The following SLC43A1 variants were observed in gnomAD, a reference collection of about 807,000 sequenced individuals.
SLC43A1 encodes large neutral amino acids transporter small subunit 3.
Under a neutral mutation model 59.5 loss-of-function variants are expected in SLC43A1, and 31 were observed. The observed-to-expected ratio is 0.52, with a 90% CI of 0.39 to 0.70. The LOEUF is 0.70. Among genes scored for constraint, SLC43A1 ranks in the 30% least tolerant of loss-of-function variants. The probability of loss-of-function intolerance (pLI) is 0.00; values close to 1 mark genes in which losing one functional copy is unlikely to be tolerated. For synonymous variants in SLC43A1, 259 were observed against 290.9 expected, an observed-to-expected ratio of 0.89 and a Z score of 1.12; for missense variants, 598 against 717.8, an observed-to-expected ratio of 0.83 and a Z score of 1.91.
chr11:57,511,000 T>G (rs1458726861), intron 2 of SLC43A1, among the ~76,000 whole-genome samples: 1 of 151,634 alleles, frequency 6.6e-6, no homozygotes, highest in African/African-American at 2.4e-5. Flanking sequence ...AAAAAAAAAT[T>G]TTTTTAAGAA....
At chr11:57,507,439 C>T (rs561014037) in intron 2 of SLC43A1, among the ~76,000 whole-genome samples, 2 of 152,194 alleles carry the variant, frequency 1.3e-5, no homozygotes, top group African/African-American at 2.4e-5. Flanking sequence ...TGCTGCACTC[C>T]AGTCTGGGCG....
chr11:57,489,058 C>G lies in SLC43A1; in HGVS notation c.1336-69G>C. The G allele has an allele frequency of 3.3e-6, 5 of 1,511,566 alleles. No individual in the cohort carries two copies. The East Asian group carries it at 1.1e-4, about 34-fold the overall frequency. 93.6% of individuals were successfully genotyped at this position (1,511,566 alleles called of 1,614,324 possible). ...GAGGCTGGAGGAAGGAGGGGTAGGGCGAAGAGGCCAACTGGGCCTCAATTC... is the reference window on the plus strand; with the variant it reads ...GAGGCTGGAGGAAGGAGGGGTAGGGGGAAGAGGCCAACTGGGCCTCAATTC... On this transcript the variant is annotated intron_variant, in intron 12 of 14. Transcript: ENST00000278426.
Position 57,501,240 on chromosome 11 carries a change from T to C in SLC43A1, c.244A>G (p.Ile82Val). The change falls in exon 3 of 15, where the codon ATT (isoleucine) becomes GTT (valine). Residue 82 changes from isoleucine (I) to valine (V), a missense_variant. Physicochemically the swap from Ile to Val is conservative, Grantham distance 29. Coordinates refer to ENST00000278426, the MANE Select transcript of SLC43A1 (RefSeq NM_003627.6). The stretch of plus-strand genomic sequence containing the variant: ...GTGGCGCTGAGCACGAAGGAACCAA[T>C]GGTGAAGCCCAGGTTGAGCATCTCG... ...QDEMLNLGFT[I>V]GSFVLSATTL... 1 of 1,612,552 alleles carries C rather than the reference T, an allele frequency of 6.2e-7. No individual in the cohort carries two copies. The highest frequency in any genetic ancestry group is 1.1e-5 in the South Asian group (1 of 91,088).
chr11:57,489,648 G>C (rs978945081), intron 11 of SLC43A1, among the ~76,000 whole-genome samples: 7 of 152,140 alleles, frequency 4.6e-5, no homozygotes, highest in Non-Finnish European at 8.8e-5. Context: ...GCCTCATCTC[G>C]GCCCTCAGAA....
At chr11:57,495,556 G>A (rs1344070819) in intron 7 of SLC43A1, among the ~76,000 whole-genome samples, 3 of 152,158 alleles carry the variant, frequency 2.0e-5, no homozygotes, top group Non-Finnish European at 4.4e-5. Flanking sequence ...GCTGGGCACA[G>A]TGGCTCACGC....
rs541084824 is a variant in SLC43A1 at position 57,509,690 on chromosome 11, G to A, written c.154+4268C>T. ...GAAGGGAAGGAGGGAGGGAGGGAGA[G>A]AGGGAGGGAGGGAGAGAGGGAGGGA... On this transcript the variant is annotated intron_variant, in intron 2 of 14. Transcript: ENST00000278426. Among the ~76,000 whole-genome samples, 4 of 116,284 alleles carry A rather than the reference G, an allele frequency of 3.4e-5. No individual in the cohort carries two copies. The East Asian group carries it at 1.0e-3, about 31-fold the overall frequency. 76.3% of individuals were successfully genotyped at this position (116,284 alleles called of 152,430 possible).
intron 2 of SLC43A1, among the ~76,000 whole-genome samples, chr11:57,511,791 A>T (rs1006863990): frequency 6.6e-6 from 1 of 152,234 alleles, no homozygotes; most frequent in Middle Eastern, 3.2e-3. Flanking sequence ...CCAATCACAA[A>T]AGGCTACATA....
At position 57,515,093 on chromosome 11, in the gene SLC43A1, G is replaced by T. The variant is rs1361419494; in HGVS notation, c.-14+351C>A. On this transcript the variant is annotated intron_variant, in intron 1 of 14. Coordinates refer to ENST00000278426, the MANE Select transcript of SLC43A1 (RefSeq NM_003627.6). The surrounding 1 kb of genome is among the most constrained non-coding windows in gnomAD (Gnocchi z 5.3). Reference sequence around the variant, plus strand: ...CAAGAAAGACCCAGAGAGAGGGGAGGAAGTACCAGTCACTTCTTCCAGGGG... The same window carrying T: ...CAAGAAAGACCCAGAGAGAGGGGAGTAAGTACCAGTCACTTCTTCCAGGGG... The T allele has an allele frequency of 2.0e-6, 2 of 984,824 alleles. No homozygotes were observed. Among genetic ancestry groups the T allele is most frequent in the Non-Finnish European group, 2.4e-6 (2 of 829,506 alleles). 61.0% of individuals were successfully genotyped at this position (984,824 alleles called of 1,614,324 possible).
intron 2 of SLC43A1, among the ~76,000 whole-genome samples, chr11:57,512,022 A>T (rs1387739756): frequency 6.6e-6 from 1 of 152,174 alleles, no homozygotes; most frequent in Non-Finnish European, 1.5e-5. Context: ...GAACATACTA[A>T]AACTGTTAAA....
chr11:57,496,358 C>T (rs1319734375), intron 6 of SLC43A1, among the ~76,000 whole-genome samples, 194 bp from the exon 7 acceptor site: 6 of 152,146 alleles, frequency 3.9e-5, no homozygotes, highest in Admixed American at 3.3e-4. Flanking sequence ...TTCTTTTTCA[C>T]TTGAGGCCCC....
At chr11:57,486,327 C>G (rs1196000664) in intron 14 of SLC43A1, among the ~76,000 whole-genome samples, 1 of 152,064 alleles carries the variant, frequency 6.6e-6, no homozygotes, top group Non-Finnish European at 1.5e-5. Flanking sequence ...TTTATCTGTA[C>G]AAAATTTTTT....
Position 57,514,122 on chromosome 11 carries a change from A to G in SLC43A1, c.-11T>C. ...CAGCGTGGGGGCCATGCTGGCCCCG[A>G]GCCTGCACAGAAACAGAGCGCTGGG... On this transcript the variant is annotated splice_region_variant and 5_prime_UTR_variant, in exon 2 of 15. Coordinates refer to ENST00000278426, the MANE Select transcript of SLC43A1 (RefSeq NM_003627.6). This position sits in a 1 kb window ranked among gnomAD's most constrained non-coding sequence, Gnocchi z 5.5. The G allele has an allele frequency of 6.3e-7, 1 of 1,580,346 alleles. No individual in the cohort carries two copies.
intron 5 of SLC43A1, among the ~76,000 whole-genome samples, chr11:57,498,305 G>A (rs1235336529): frequency 6.6e-6 from 1 of 152,204 alleles, no homozygotes; most frequent in South Asian, 2.1e-4. Flanking sequence ...GCTAGGCATG[G>A]TGGCATGCGC....
chr11:57,507,361 T>G (rs1161869051), intron 2 of SLC43A1, among the ~76,000 whole-genome samples: 3 of 152,126 alleles, frequency 2.0e-5, no homozygotes, highest in Non-Finnish European at 4.4e-5. Context: ...TCCCAGCTAC[T>G]TGGGAGGTTG....
intron 2 of SLC43A1, among the ~76,000 whole-genome samples, chr11:57,502,120 G>C (rs1944283587): frequency 6.6e-6 from 1 of 152,242 alleles, no homozygotes; most frequent in Non-Finnish European, 1.5e-5. Context: ...GTTGTGACAA[G>C]TTAAGGAGAA....
chr11:57,510,447 G>C (rs1481281358), intron 2 of SLC43A1, among the ~76,000 whole-genome samples: 1 of 102,474 alleles, frequency 9.8e-6, no homozygotes, highest in Non-Finnish European at 1.8e-5. Flanking sequence ...AACAGAGTGA[G>C]ACTCCATCTC....
intron 6 of SLC43A1, among the ~76,000 whole-genome samples, chr11:57,496,908 G>A (rs1313745860): frequency 6.6e-6 from 1 of 152,080 alleles, no homozygotes; most frequent in Non-Finnish European, 1.5e-5. Context: ...TGCAGTCTTG[G>A]ACCTTGGTGC....
rs777186092 is a variant in SLC43A1 at position 57,501,274 on chromosome 11, G to A, written c.210C>T (p.Asp70=). Residue 70 remains aspartate (D), a synonymous_variant, in exon 3 of 15, where the codon GAC becomes GAT. Coordinates refer to ENST00000278426, the MANE Select transcript of SLC43A1 (RefSeq NM_003627.6). ...QDEQRRWPGC[D]QQDEMLNLGF... The stretch of plus-strand genomic sequence containing the variant: ...CCAGGTTGAGCATCTCGTCCTGCTG[G>A]TCACAGCCTGGCCACCTGCGCTGCT... The A allele has an allele frequency of 9.3e-6, 15 of 1,611,980 alleles. No homozygotes were observed. In the African/African-American group the frequency reaches 1.9e-4, roughly 20 times the overall value.
chr11:57,510,696 A>G (rs1944516735), intron 2 of SLC43A1, among the ~76,000 whole-genome samples: 1 of 151,862 alleles, frequency 6.6e-6, no homozygotes, highest in Non-Finnish European at 1.5e-5. Context: ...TTAAATTTAA[A>G]AAAATGTAAA....
Sources: gnomAD v4.1 joint callset for allele counts (sites outside exome capture counted in the v4.1 genomes callset) on GRCh38, gnomAD v4.1.1 for gene constraint, Gnocchi (gnomAD v3.1) non-coding constraint, MANE v1.5 for transcripts, NCBI Gene and HGNC (gene_info 2026-07-23, HGNC 2026-07-21) for gene names.